The following ERMP1 variants were observed in gnomAD, a reference collection of about 807,000 sequenced individuals.
ERMP1 encodes endoplasmic reticulum metallopeptidase 1.
In ERMP1, 86 loss-of-function variants were observed where a neutral mutation model predicts 92.0. The ratio of observed to expected loss-of-function variants is 0.93; its 90% confidence interval spans 0.79 to 1.12. The LOEUF is 1.12. ERMP1 is among the 50% of genes most tolerant of loss of function. ERMP1 has a pLI of 0.00. For synonymous variants in ERMP1, 530 were observed against 412.8 expected (o/e 1.28, Z -3.44); for missense variants, 1,342 against 1,116.3 (o/e 1.20, Z -2.88).
At chr9:5,857,771 G>C (rs549530323) in intron 6 of ERMP1, among the ~76,000 whole-genome samples, 49 of 152,276 alleles carry the variant, frequency 3.2e-4, no homozygotes, top group Non-Finnish European at 2.9e-4. Flanking sequence ...CTAGGGATCT[G>C]CCTATTTTAT....
intron 4 of ERMP1, 73 bp downstream of exon 4, chr9:5,823,823 T>C: frequency 1.0e-6 from 1 of 992,340 alleles, no homozygotes; most frequent in Non-Finnish European, 1.6e-6. Context: ...AAGATATTAT[T>C]TATAATCAAA....
At chr9:5,852,360 C>T (rs923992292) in intron 6 of ERMP1, among the ~76,000 whole-genome samples, 3 of 151,712 alleles carry the variant, frequency 2.0e-5, no homozygotes, top group South Asian at 4.2e-4. Context: ...CCTTCCCACG[C>T]TCAGGTGACC....
At chr9:5,801,148 C>A (rs374459061) in intron 11 of ERMP1, 28 bp downstream of exon 11, 37 of 1,588,880 alleles carry the variant, frequency 2.3e-5, no homozygotes, top group Non-Finnish European at 3.1e-5. Flanking sequence ...CTTTCCAGAT[C>A]TCAAATACCT....
chr9:5,855,076 A>G (rs1297461500), intron 6 of ERMP1, among the ~76,000 whole-genome samples: 1 of 152,208 alleles, frequency 6.6e-6, no homozygotes, highest in Non-Finnish European at 1.5e-5. Flanking sequence ...TCTTGTTCTC[A>G]GTTCTTAGAA....
chr9:5,831,037 A>G lies in ERMP1; in HGVS notation c.339-9T>C, dbSNP rs1829918494. 6.3e-7 allele frequency: 1 copy of G among 1,597,740 alleles called. No individual in the cohort carries two copies. Among genetic ancestry groups the G allele is most frequent in the African/African-American group, 1.3e-5 (1 of 74,252 alleles). On this transcript the variant is annotated splice_polypyrimidine_tract_variant and intron_variant, in intron 1 of 14. Coordinates refer to ENST00000339450, the MANE Select transcript of ERMP1 (RefSeq NM_024896.3). ...TGTGTTCAAGATAATCCCTGGAAGT[A>G]ACCAAAAGAATAACAAAGGTTTGTA...
intron 6 of ERMP1, among the ~76,000 whole-genome samples, chr9:5,849,473 G>A (rs960228652): frequency 2.6e-5 from 4 of 152,172 alleles, no homozygotes; most frequent in African/African-American, 9.7e-5. Flanking sequence ...ATTAGAGCCC[G>A]AACCCAACCC....
chr9:5,797,669 C>T, intron 13 of ERMP1, 148 bp downstream of exon 13: 2 of 572,062 alleles, frequency 3.5e-6, no homozygotes, highest in Non-Finnish European at 6.1e-6. Context: ...AAAAAGAAGT[C>T]ATAACCAGCT....
In ERMP1 at chr9:5,830,976, C is replaced by G. The variant is rs1351806649; in HGVS notation, c.391G>C (p.Glu131Gln). ...SIGPRTTGSPENEILTVHYLL... is the reference protein window; with the variant it reads ...SIGPRTTGSPQNEILTVHYLL... ...TAGTGCACGGTCAGAATTTCATTTT[C>G]TGGACTTCCTGTAGTCCTGGGGCCA... The change falls in exon 2 of 15, where the codon GAA (glutamate) becomes CAA (glutamine). Residue 131 changes from glutamate (E) to glutamine (Q), a missense_variant. Coordinates refer to ENST00000339450, the MANE Select transcript of ERMP1 (RefSeq NM_024896.3). The G allele has an allele frequency of 6.2e-7, 1 of 1,614,132 alleles. No individual in the cohort carries two copies. The highest frequency in any genetic ancestry group is 8.5e-7 in the Non-Finnish European group (1 of 1,180,006).
At chr9:5,800,141 A>C (rs1444088787) in intron 11 of ERMP1, among the ~76,000 whole-genome samples, 1 of 152,212 alleles carries the variant, frequency 6.6e-6, no homozygotes, top group African/African-American at 2.4e-5. Flanking sequence ...TCTTTCACTT[A>C]CAGAGTATAA....
At chr9:5,810,769 GT>G (rs1829060820) in intron 7 of ERMP1, among the ~76,000 whole-genome samples, 1 of 152,138 alleles carries the variant, frequency 6.6e-6, no homozygotes, top group African/African-American at 2.4e-5. Context: ...ACCACAAGCA[GT>G]TCATTCATAC....
At chr9:5,819,157 A>G (rs1489142109) in intron 4 of ERMP1, among the ~76,000 whole-genome samples, 1 of 152,244 alleles carries the variant, frequency 6.6e-6, no homozygotes, top group Non-Finnish European at 1.5e-5. Context: ...CTAAAAGTGG[A>G]AACAATCCAA....
intron 5 of ERMP1, among the ~76,000 whole-genome samples, chr9:5,865,430 C>G (rs920756216): frequency 6.6e-6 from 1 of 150,916 alleles, no homozygotes; most frequent in Non-Finnish European, 1.5e-5. Flanking sequence ...ATGGCGTGAG[C>G]CCGGGAGGCG....
At chr9:5,850,111 C>G (rs1012711787) in intron 6 of ERMP1, among the ~76,000 whole-genome samples, 30 of 152,258 alleles carry the variant, frequency 2.0e-4, no homozygotes, top group African/African-American at 7.2e-4. Flanking sequence ...GGGCCCAGGT[C>G]TCCCCCCCTT....
At chr9:5,822,544 G>C (rs974740111) in intron 4 of ERMP1, among the ~76,000 whole-genome samples, 3 of 152,134 alleles carry the variant, frequency 2.0e-5, no homozygotes, top group Non-Finnish European at 4.4e-5. Flanking sequence ...ACTTAGCATA[G>C]TTTCATAATT....
Position 5,830,949 on chromosome 9 carries a change from G to A in ERMP1, c.418C>T (p.Leu140Phe), listed in dbSNP as rs140054744. The change falls in exon 2 of 15, where the codon CTT (leucine) becomes TTT (phenylalanine). Residue 140 changes from leucine (L) to phenylalanine (F), a missense_variant. By Grantham distance (22) the Leu-to-Phe change is conservative (BLOSUM62 0). Coordinates refer to ENST00000339450, the MANE Select transcript of ERMP1 (RefSeq NM_024896.3). ...TCAATCAGTTTAATCTGTTCCAAAAGGTAGTGCACGGTCAGAATTTCATTT... is the reference window on the plus strand; with the variant it reads ...TCAATCAGTTTAATCTGTTCCAAAAAGTAGTGCACGGTCAGAATTTCATTT... ...PENEILTVHY[L>F]LEQIKLIEVQ... The A allele has an allele frequency of 6.2e-6, 10 of 1,613,926 alleles. No homozygotes were observed. Among genetic ancestry groups the A allele is most frequent in the Non-Finnish European group, 7.6e-6 (9 of 1,179,916 alleles).
rs1024712538 is a variant in ERMP1, at chr9:5,786,425, T to C, written c.*719A>G. Reference sequence around the variant, plus strand: ...TATTCCCCTTTTCAACTTGGTAAGATGGAGAGGGGTAACAGACATGTTTCA... The same window carrying C: ...TATTCCCCTTTTCAACTTGGTAAGACGGAGAGGGGTAACAGACATGTTTCA... On this transcript the variant is annotated 3_prime_UTR_variant, in exon 15 of 15. Coordinates refer to ENST00000339450, the MANE Select transcript of ERMP1 (RefSeq NM_024896.3). The C allele has an allele frequency of 6.6e-6, 1 of 152,148 alleles. No homozygotes were observed. Among genetic ancestry groups the C allele is most frequent in the African/African-American group, 2.4e-5 (1 of 41,410 alleles). 9.4% of individuals were successfully genotyped at this position (152,148 alleles called of 1,614,324 possible).
chr9:5,830,703 A>G, intron 2 of ERMP1, 24 bp downstream of exon 2: 1 of 1,574,108 alleles, frequency 6.4e-7, no homozygotes, highest in Non-Finnish European at 8.6e-7. Context: ...ACAAGTTCCA[A>G]ATGACTAAAA....
At chr9:5,829,538 C>T (rs552089307) in intron 2 of ERMP1, among the ~76,000 whole-genome samples, 1 of 152,214 alleles carries the variant, frequency 6.6e-6, no homozygotes, top group East Asian at 1.9e-4. Context: ...ACTATTTTAG[C>T]GTTTTACTTA....
chr9:5,834,703 A>ATGTGTGTGTGTGTGTGTG (rs766269385), upstream of ERMP1, among the ~76,000 whole-genome samples: 94 of 122,986 alleles, frequency 7.6e-4, 2 homozygotes, highest in Non-Finnish European at 9.7e-4. Context: ...GTATGTATAT[A>ATGTGTGTGTGTGTGTGTG]TGTGTGTGTG....
Sources: gnomAD v4.1 joint callset for allele counts (sites outside exome capture counted in the v4.1 genomes callset) on GRCh38, gnomAD v4.1.1 for gene constraint, MANE v1.5 for transcripts, NCBI Gene and HGNC (gene_info 2026-07-23, HGNC 2026-07-21) for gene names.